MNAT1: variants seen among roughly 807,000 people sequenced by gnomAD.
MNAT1 encodes MNAT1 component of CDK activating kinase, also known as CDK-activating kinase assembly factor MAT1.
A neutral mutation model predicts 42.0 loss-of-function variants in MNAT1; 43 were observed. That is an observed-to-expected ratio of 1.02 (90% CI 0.80 to 1.32). The LOEUF is 1.32. Among genes scored for constraint, MNAT1 ranks in the 40% most tolerant of loss-of-function variants. The pLI is 0.00. For synonymous variants in MNAT1, 118 were observed against 120.0 expected (o/e 0.98, Z 0.11); for missense variants, 306 against 350.4 (o/e 0.87, Z 1.01).
rs374322031 is a variant in MNAT1, at chr14:60,911,581, A to C, written c.809+31746A>C. Among the ~76,000 whole-genome samples the C allele has an allele frequency of 1.1e-4, 16 of 152,012 alleles. No homozygotes were observed. In the South Asian group the frequency reaches 3.3e-3, roughly 32 times the overall value. Reference sequence around the variant, plus strand: ...TATTTCTGCCTTCATTTCATTGTGTACCCAGTAGTTCAGGAGCAGGTTGTT... The same window carrying C: ...TATTTCTGCCTTCATTTCATTGTGTCCCCAGTAGTTCAGGAGCAGGTTGTT... On this transcript the variant is annotated intron_variant, in intron 7 of 7. Coordinates refer to ENST00000261245, the MANE Select transcript of MNAT1 (RefSeq NM_002431.4).
chr14:60,895,756 A>ACTCTG (rs2034944077), intron 7 of MNAT1, among the ~76,000 whole-genome samples: 1 of 152,158 alleles, frequency 6.6e-6, no homozygotes. Context: ...ACATAGTGAG[A>ACTCTG]CTCTGTCTCA....
intron 6 of MNAT1, among the ~76,000 whole-genome samples, chr14:60,823,695 C>T (rs530223220): frequency 6.6e-6 from 1 of 151,922 alleles, no homozygotes; most frequent in East Asian, 1.9e-4. Flanking sequence ...CCCATCTCTA[C>T]TAAAAATACA....
At chr14:60,878,617 T>G (rs1299968754) in intron 6 of MNAT1, among the ~76,000 whole-genome samples, 1 of 152,114 alleles carries the variant, frequency 6.6e-6, no homozygotes, top group Non-Finnish European at 1.5e-5. Flanking sequence ...ATTTTGGCCC[T>G]CCAGAAACTC....
At chr14:60,828,259 CTGAG>C (rs1195915778) in intron 6 of MNAT1, among the ~76,000 whole-genome samples, 1 of 152,068 alleles carries the variant, frequency 6.6e-6, no homozygotes, top group Non-Finnish European at 1.5e-5. Context: ...TATAGAGTTC[CTGAG>C]TATTTTGTGA....
At chr14:60,804,146 A>G (rs1313737079) in intron 3 of MNAT1, among the ~76,000 whole-genome samples, 2 of 152,250 alleles carry the variant, frequency 1.3e-5, no homozygotes, top group African/African-American at 4.8e-5. Context: ...CGTGAATAAC[A>G]TTAAATCTTT....
At position 60,903,833 on chromosome 14, in the gene MNAT1, G is replaced by A. The variant is rs561857089; in HGVS notation, c.809+23998G>A. 1.3e-3 allele frequency among the ~76,000 whole-genome samples: 176 copies of A among 132,512 alleles called. 2 individuals are homozygous for A. The highest frequency in any genetic ancestry group is 7.6e-3 in the Middle Eastern group (2 of 264). 86.9% of individuals were successfully genotyped at this position (132,512 alleles called of 152,430 possible). On this transcript the variant is annotated intron_variant, in intron 7 of 7. Coordinates refer to ENST00000261245, the MANE Select transcript of MNAT1 (RefSeq NM_002431.4). ...GTGAAAACGTAGTTGTTTCATTTAA[G>A]TTTTGTTTTGTTTTTGATGCTACCC... is the stretch of plus-strand genomic sequence containing the variant.
chr14:60,966,980 C>A (rs1213413338), intron 7 of MNAT1, among the ~76,000 whole-genome samples: 1 of 151,868 alleles, frequency 6.6e-6, no homozygotes, highest in Non-Finnish European at 1.5e-5. Context: ...AAAATACTAT[C>A]AAAAATGTTT....
At chr14:60,754,492 C>T (rs927058142) in intron 1 of MNAT1, among the ~76,000 whole-genome samples, 4 of 151,956 alleles carry the variant, frequency 2.6e-5, no homozygotes, top group African/African-American at 4.8e-5. Context: ...GGACTACAGG[C>T]GTGTGCCACC....
chr14:60,761,619 C>G (rs971089930), intron 1 of MNAT1, among the ~76,000 whole-genome samples: 1 of 152,094 alleles, frequency 6.6e-6, no homozygotes, highest in Non-Finnish European at 1.5e-5. Context: ...CAAAGCAGCT[C>G]TCTTTGTTTA....
intron 6 of MNAT1, among the ~76,000 whole-genome samples, chr14:60,854,454 T>C (rs528567829): frequency 7.2e-5 from 11 of 152,358 alleles, no homozygotes; most frequent in South Asian, 4.1e-4. Flanking sequence ...ACCTTTGATC[T>C]TTGAAGCTGA....
intron 7 of MNAT1, among the ~76,000 whole-genome samples, chr14:60,954,583 T>C (rs1406069608): frequency 6.6e-6 from 1 of 152,206 alleles, no homozygotes; most frequent in African/African-American, 2.4e-5. Context: ...AATTTCTGTA[T>C]GCTGATTTTG....
chr14:60,776,237 C>G (rs577998596), intron 1 of MNAT1, among the ~76,000 whole-genome samples: 1 of 151,970 alleles, frequency 6.6e-6, no homozygotes, highest in Admixed American at 6.6e-5. Flanking sequence ...GATGGGAGCT[C>G]CTTGTGAGGT....
At chr14:60,858,988 C>T (rs373907128) in intron 6 of MNAT1, among the ~76,000 whole-genome samples, 2 of 152,112 alleles carry the variant, frequency 1.3e-5, no homozygotes, top group African/African-American at 2.4e-5. Flanking sequence ...GCAATATCTC[C>T]GAAGTATGCC....
chr14:60,796,269 G>T lies in MNAT1; in HGVS notation c.142G>T (p.Glu48Ter). 1.2e-6 allele frequency: 2 copies of T among 1,613,656 alleles called. No homozygotes were observed. The highest frequency in any genetic ancestry group is 1.7e-6 in the Non-Finnish European group (2 of 1,179,714). Reference sequence around the variant, plus strand: ...TGTGAGAGGAGCTGGAAACTGCCCTGAGTGTGGTACTCCACTCAGAAAGAG... The same window carrying T: ...TGTGAGAGGAGCTGGAAACTGCCCTTAGTGTGGTACTCCACTCAGAAAGAG... Reference protein sequence around the residue: ...LFVRGAGNCPECGTPLRKSNF... With the variant: ...LFVRGAGNCP Residue 48 changes from glutamate to a stop codon, truncating the protein, a stop_gained, in exon 2 of 8, where the codon GAG (glutamate) becomes TAG (stop). Transcript: ENST00000261245. LOFTEE classifies it high-confidence loss of function.
At chr14:60,896,661 A>G (rs947968448) in intron 7 of MNAT1, among the ~76,000 whole-genome samples, 1 of 151,912 alleles carries the variant, frequency 6.6e-6, no homozygotes, top group Non-Finnish European at 1.5e-5. Context: ...AATTTTTTGT[A>G]TTTTTAGTAG....
chr14:60,901,687 T>C (rs138402333), intron 7 of MNAT1, among the ~76,000 whole-genome samples: 277 of 152,316 alleles, frequency 1.8e-3, no homozygotes, highest in African/African-American at 6.5e-3. Context: ...TGAGATTTTG[T>C]TGGAAGAAGT....
At chr14:60,811,790 T>G (rs1218919927) in intron 4 of MNAT1, among the ~76,000 whole-genome samples, 197 bp from the exon 5 acceptor site, 2 of 152,256 alleles carry the variant, frequency 1.3e-5, no homozygotes, top group East Asian at 3.9e-4. Flanking sequence ...TATAACAGAA[T>G]AGTTGTTTTA....
At chr14:60,921,718 T>C (rs1241126210) in intron 7 of MNAT1, among the ~76,000 whole-genome samples, 4 of 152,330 alleles carry the variant, frequency 2.6e-5, no homozygotes, top group African/African-American at 9.6e-5. Context: ...AAGTAGTCAT[T>C]ATTCTGACGT....
chr14:60,779,533 A>G (rs1418307871), intron 1 of MNAT1, among the ~76,000 whole-genome samples: 1 of 152,172 alleles, frequency 6.6e-6, no homozygotes, highest in Non-Finnish European at 1.5e-5. Flanking sequence ...CCACACCTGT[A>G]ATCCCACCAT....
Sources: allele counts gnomAD v4.1 joint callset (sites outside exome capture counted in the v4.1 genomes callset), GRCh38; gene constraint gnomAD v4.1.1; transcripts MANE v1.5; gene names NCBI Gene and HGNC (gene_info 2026-07-23, HGNC 2026-07-21).